CHSY3: variants seen among roughly 807,000 people sequenced by gnomAD.
CHSY3 encodes the protein chondroitin sulfate synthase 3, also known as N-acetylgalactosaminyl-proteoglycan 3-beta-glucuronosyltransferase 3.
A neutral mutation model predicts 67.2 loss-of-function variants in CHSY3; 35 were observed. The ratio of observed to expected loss-of-function variants is 0.52; its 90% CI spans 0.40 to 0.69. The LOEUF (loss-of-function observed/expected upper bound fraction) is 0.69, where lower values mean the gene tolerates loss of function less well. CHSY3 is among the 30% of genes least tolerant of loss of function. CHSY3 has a pLI of 0.00. For synonymous variants in CHSY3, 474 were observed against 434.7 expected (o/e 1.09, Z -1.12); for missense variants, 1,069 against 1,138.5 (o/e 0.94, Z 0.88).
intron 2 of CHSY3, among the ~76,000 whole-genome samples, chr5:130,117,172 C>A (rs1002424833): frequency 6.6e-6 from 1 of 152,102 alleles, no homozygotes; most frequent in Non-Finnish European, 1.5e-5. Context: ...GGTCTGGGAG[C>A]CCTACGGGTG....
chr5:130,106,303 T>C (rs1046128275), intron 2 of CHSY3, among the ~76,000 whole-genome samples: 1 of 151,598 alleles, frequency 6.6e-6, no homozygotes, highest in African/African-American at 2.4e-5. Flanking sequence ...ATTTTGCTGC[T>C]TTTGGATGGT....
intron 2 of CHSY3, among the ~76,000 whole-genome samples, chr5:130,066,231 C>G (rs75070103): frequency 8.1e-4 from 124 of 152,200 alleles, no homozygotes; most frequent in African/African-American, 2.8e-3. Flanking sequence ...CCAAAATCAT[C>G]TATTATTATT....
chr5:130,100,812 T>C (rs1461558574), intron 2 of CHSY3, among the ~76,000 whole-genome samples: 4 of 152,200 alleles, frequency 2.6e-5, no homozygotes, highest in African/African-American at 9.6e-5. Context: ...AGGAAATGTA[T>C]ACCTGTAAAT....
At chr5:130,158,535 T>C (rs958223669) in intron 2 of CHSY3, among the ~76,000 whole-genome samples, 1 of 152,204 alleles carries the variant, frequency 6.6e-6, no homozygotes, top group Admixed American at 6.5e-5. Context: ...ATAAAAGGCA[T>C]TTATCATCAA....
Position 130,040,637 on chromosome 5 carries a change from C to G in CHSY3, c.1086+132277C>G, listed in dbSNP as rs139262068. 9.1e-3 allele frequency among the ~76,000 whole-genome samples: 1,386 copies of G among 152,074 alleles called. 26 individuals carry two copies. Among genetic ancestry groups the G allele is most frequent in the African/African-American group, 0.032 (1,333 of 41,496 alleles). ...GTAAATAATAACTTGCAACTATAGT[C>G]GTGGAAATCAGAAAGGTAAACAATT... On this transcript the variant is annotated intron_variant, in intron 2 of 2. Coordinates refer to ENST00000305031, the MANE Select transcript of CHSY3 (RefSeq NM_175856.5).
chr5:129,991,040 G>T (rs775601824), intron 2 of CHSY3, among the ~76,000 whole-genome samples: 4 of 152,250 alleles, frequency 2.6e-5, no homozygotes, highest in Middle Eastern at 3.4e-3. Context: ...CAAGGTGAGA[G>T]ATCACAAGGA....
chr5:130,000,312 G>A (rs1056403950), intron 2 of CHSY3, among the ~76,000 whole-genome samples: 4 of 152,184 alleles, frequency 2.6e-5, no homozygotes, highest in African/African-American at 7.2e-5. Context: ...AAATAATAAG[G>A]TAGAATGAGG....
At chr5:130,020,442 TATATATA>T (rs1764340771) in intron 2 of CHSY3, among the ~76,000 whole-genome samples, 1 of 54,728 alleles carries the variant, frequency 1.8e-5, no homozygotes, top group Non-Finnish European at 3.2e-5. Context: ...TATATATATA[TATATATA>T]TATATATATA....
At chr5:130,062,415 G>A (rs1332276092) in intron 2 of CHSY3, among the ~76,000 whole-genome samples, 5 of 152,074 alleles carry the variant, frequency 3.3e-5, no homozygotes, top group Non-Finnish European at 5.9e-5. Flanking sequence ...GGCTGAGAGG[G>A]TGGTGAGGGC....
At chr5:130,115,249 TC>T (rs1179282770) in intron 2 of CHSY3, among the ~76,000 whole-genome samples, 2 of 152,060 alleles carry the variant, frequency 1.3e-5, no homozygotes, top group Non-Finnish European at 2.9e-5. Flanking sequence ...CCCATTTTTT[TC>T]CTCCATAAAT....
chr5:130,021,017 C>T (rs1293485842), intron 2 of CHSY3, among the ~76,000 whole-genome samples: 1 of 152,028 alleles, frequency 6.6e-6, no homozygotes, highest in Non-Finnish European at 1.5e-5. Flanking sequence ...AGTACATTTG[C>T]CTGACCAATA....
At chr5:130,065,293 C>A (rs1287796056) in intron 2 of CHSY3, among the ~76,000 whole-genome samples, 1 of 151,972 alleles carries the variant, frequency 6.6e-6, no homozygotes. Flanking sequence ...TTGAAAAATT[C>A]TCTCTTAACA....
chr5:129,910,672 A>G (rs1334374337), intron 2 of CHSY3, among the ~76,000 whole-genome samples: 1 of 152,070 alleles, frequency 6.6e-6, no homozygotes, highest in Non-Finnish European at 1.5e-5. Context: ...ACACCTAAGT[A>G]CGTAACTTGG....
At chr5:130,118,870 T>A (rs1580750754) in intron 2 of CHSY3, among the ~76,000 whole-genome samples, 1 of 152,192 alleles carries the variant, frequency 6.6e-6, no homozygotes, top group South Asian at 2.1e-4. Flanking sequence ...TCTGCCAAAT[T>A]TTCCTCTTTC....
intron 2 of CHSY3, among the ~76,000 whole-genome samples, chr5:130,068,251 T>C (rs1765948168): frequency 6.6e-6 from 1 of 152,104 alleles, no homozygotes. Context: ...GAGTTTCCCA[T>C]GAAAATTAAA....
At chr5:130,029,125 G>T (rs6863481) in intron 2 of CHSY3, among the ~76,000 whole-genome samples, 81,632 of 151,840 alleles carry the variant, frequency 0.54, 22,352 homozygotes, top group East Asian at 0.67. Flanking sequence ...CCAGCCAAAA[G>T]CCAGTTGCCC....
intron 2 of CHSY3, among the ~76,000 whole-genome samples, chr5:130,027,610 T>A (rs1173813678): frequency 3.3e-5 from 5 of 151,340 alleles, no homozygotes; most frequent in African/African-American, 1.2e-4. Flanking sequence ...TCCTAATGTT[T>A]TCCCTCCCCC....
chr5:130,020,422 AATATATATATATATATATATAT>A (rs1174657766), intron 2 of CHSY3, among the ~76,000 whole-genome samples: 2 of 33,368 alleles, frequency 6.0e-5, no homozygotes, highest in South Asian at 2.0e-3. Context: ...TTCATCTCAA[AATATATATATATATATATATAT>A]ATATATATAT....
At chr5:129,919,366 A>G (rs1427456779) in intron 2 of CHSY3, among the ~76,000 whole-genome samples, 3 of 152,176 alleles carry the variant, frequency 2.0e-5, no homozygotes, top group African/African-American at 7.2e-5. Context: ...GTTGTCAACT[A>G]ATCAGTTGCA....
Sources: gnomAD v4.1 joint callset for allele counts (sites outside exome capture counted in the v4.1 genomes callset) on GRCh38, gnomAD v4.1.1 for gene constraint, MANE v1.5 for transcripts, NCBI Gene and HGNC (gene_info 2026-07-23, HGNC 2026-07-21) for gene names.